The following KSR1 variants were observed in gnomAD, a reference collection of about 807,000 sequenced individuals.
KSR1 encodes kinase suppressor of ras.
A neutral mutation model predicts 92.9 loss-of-function variants in KSR1; 35 were observed. The ratio of observed to expected loss-of-function variants is 0.38; its 90% CI spans 0.29 to 0.50. The LOEUF (loss-of-function observed/expected upper bound fraction) is 0.50, where lower values mean the gene tolerates loss of function less well. KSR1 is among the 20% of genes least tolerant of loss of function. KSR1 has a pLI of 0.94. For missense variants in KSR1, 972 were observed against 1,158.5 expected (o/e 0.84, Z 2.34); for synonymous variants, 467 against 472.6 (o/e 0.99, Z 0.15).
At chr17:27,549,301 T>A (rs2071305492) in intron 1 of KSR1, among the ~76,000 whole-genome samples, 1 of 152,156 alleles carries the variant, frequency 6.6e-6, no homozygotes, top group Non-Finnish European at 1.5e-5. Flanking sequence ...TCAGGAGCTC[T>A]CCCTGGGTCC....
At chr17:27,541,577 T>C (rs1346781974) in intron 1 of KSR1, among the ~76,000 whole-genome samples, 1 of 152,156 alleles carries the variant, frequency 6.6e-6, no homozygotes, top group Non-Finnish European at 1.5e-5. Context: ...GGGCTTTGGA[T>C]CGCAAAAGAG....
chr17:27,509,166 CA>C (rs2069503782), intron 1 of KSR1, among the ~76,000 whole-genome samples: 1 of 152,204 alleles, frequency 6.6e-6, no homozygotes, highest in African/African-American at 2.4e-5. Flanking sequence ...CATTTTTCTG[CA>C]ACCCTGCTTC....
chr17:27,495,519 C>T (rs1260621656), intron 1 of KSR1, among the ~76,000 whole-genome samples: 1 of 152,110 alleles, frequency 6.6e-6, no homozygotes, highest in African/African-American at 2.4e-5. Context: ...GGATATAGCC[C>T]CCTGATCTGC....
rs759558620 is a variant in KSR1 at position 27,577,574 on chromosome 17, C to T, written c.455C>T (p.Ala152Val). The T allele has an allele frequency of 1.6e-5, 26 of 1,604,898 alleles. No individual in the cohort carries two copies. Among genetic ancestry groups the T allele is most frequent in the Non-Finnish European group, 2.0e-5 (23 of 1,178,676 alleles). ...AAGGAGACGCTGCGGCGCTGTGGGGCCAGCGGGGATGAGTGTGGCCGTCTG... is the reference window on the plus strand; with the variant it reads ...AAGGAGACGCTGCGGCGCTGTGGGGTCAGCGGGGATGAGTGTGGCCGTCTG... ...KVKETLRRCG[A>V]SGDECGRLQY... The change falls in exon 3 of 21, where the codon GCC becomes GTC. Residue 152 changes from alanine (A) to valine (V), a missense_variant. Physicochemically the swap from Ala to Val is moderately conservative, Grantham distance 64. Transcript: ENST00000644974. This position sits in a 1 kb window ranked among gnomAD's most constrained non-coding sequence, Gnocchi z 4.5.
intron 1 of KSR1, among the ~76,000 whole-genome samples, chr17:27,505,803 G>A (rs2069358419): frequency 6.6e-6 from 1 of 152,212 alleles, no homozygotes; most frequent in Non-Finnish European, 1.5e-5. Context: ...TCACCAAGGG[G>A]TTGCCATCAA....
rs977207481 is a variant in KSR1 at position 27,520,711 on chromosome 17, C to T, written c.232-29857C>T. 2.6e-5 allele frequency among the ~76,000 whole-genome samples: 4 copies of T among 152,330 alleles called. No individual in the cohort carries two copies. In the South Asian group the frequency reaches 6.2e-4, roughly 24 times the overall value. ...AGGCAGGGAGGCCAGGCTGTGCCCGCCCAGGTTTCCCAGGCCCCGCTGCCT... is the reference window on the plus strand; with the variant it reads ...AGGCAGGGAGGCCAGGCTGTGCCCGTCCAGGTTTCCCAGGCCCCGCTGCCT... On this transcript the variant is annotated intron_variant, in intron 1 of 20. Transcript: ENST00000644974.
chr17:27,537,765 G>C (rs1358195425), intron 1 of KSR1, among the ~76,000 whole-genome samples: 2 of 152,168 alleles, frequency 1.3e-5, no homozygotes, highest in Non-Finnish European at 2.9e-5. Context: ...AATATAGAAT[G>C]TATAGCATGA....
intron 1 of KSR1, among the ~76,000 whole-genome samples, chr17:27,490,903 C>G (rs1219632019): frequency 6.6e-6 from 1 of 152,056 alleles, no homozygotes; most frequent in Non-Finnish European, 1.5e-5. Flanking sequence ...AGGGGAAAGG[C>G]TGAGTCAATT....
intron 1 of KSR1, among the ~76,000 whole-genome samples, chr17:27,498,270 G>A (rs9914333): frequency 0.98 from 148,351 of 150,806 alleles, 72,982 homozygotes; most frequent in East Asian, 1. Flanking sequence ...GCAGAGGGGC[G>A]GAGGGTGCAG....
At chr17:27,481,758 AT>A (rs2068517682) in intron 1 of KSR1, among the ~76,000 whole-genome samples, 2 of 152,246 alleles carry the variant, frequency 1.3e-5, no homozygotes, top group Admixed American at 1.3e-4. Context: ...TAGTGTACCC[AT>A]TTCCCAAGTA....
chr17:27,564,618 T>G (rs1287972278), intron 2 of KSR1, among the ~76,000 whole-genome samples: 1 of 152,134 alleles, frequency 6.6e-6, no homozygotes, highest in East Asian at 1.9e-4. Flanking sequence ...TGCTTGTCCA[T>G]GAAGGGCTGT....
intron 2 of KSR1, among the ~76,000 whole-genome samples, chr17:27,564,729 A>C: frequency 6.8e-6 from 1 of 146,824 alleles, no homozygotes; most frequent in East Asian, 2.1e-4. Flanking sequence ...GGCTAAGAAG[A>C]TGGAAGACCC....
At chr17:27,562,222 C>CT (rs1321086268) in intron 2 of KSR1, among the ~76,000 whole-genome samples, 1 of 152,176 alleles carries the variant, frequency 6.6e-6, no homozygotes, top group African/African-American at 2.4e-5. Flanking sequence ...CTAGAAGCAC[C>CT]ATGTTGGCAG....
chr17:27,573,321 C>T (rs1241172958), intron 2 of KSR1, among the ~76,000 whole-genome samples: 7 of 152,178 alleles, frequency 4.6e-5, no homozygotes, highest in Non-Finnish European at 8.8e-5. Context: ...GGGAGGAAAG[C>T]GGGGGTTTTC....
At chr17:27,525,991 A>ACTTTTCTTTTCTTTTCTTTTT (rs2070246675) in intron 1 of KSR1, among the ~76,000 whole-genome samples, 1 of 71,180 alleles carries the variant, frequency 1.4e-5, no homozygotes, top group Non-Finnish European at 2.5e-5. Context: ...ACTGCAACTA[A>ACTTTTCTTTTCTTTTCTTTTT]CTTTTCTTTT....
At position 27,538,770 on chromosome 17, in the gene KSR1, G is replaced by A. The variant is rs549967768; in HGVS notation, c.232-11798G>A. 9.2e-5 allele frequency among the ~76,000 whole-genome samples: 14 copies of A among 152,260 alleles called. No homozygotes were observed. The South Asian group carries it at 2.7e-3, about 29-fold the overall frequency. On this transcript the variant is annotated intron_variant, in intron 1 of 20. Transcript: ENST00000644974. ...GGTGCTCCACAGGGTGTGGCGGTTC[G>A]GGCGCCCCTCATCCTTCTGGGGGAG...
At chr17:27,565,902 A>C (rs2072042738) in intron 2 of KSR1, among the ~76,000 whole-genome samples, 1 of 152,068 alleles carries the variant, frequency 6.6e-6, no homozygotes, top group Non-Finnish European at 1.5e-5. Context: ...CATGGACTCC[A>C]GTTCACGGTT....
intron 5 of KSR1, chr17:27,587,689 C>G (rs570230237): frequency 6.6e-6 from 1 of 152,434 alleles, no homozygotes; most frequent in African/African-American, 2.4e-5. Flanking sequence ...GTTGAATGTG[C>G]GGGCTGCCGG....
rs557224215 is a variant in KSR1 at position 27,519,531 on chromosome 17, C to T, written c.232-31037C>T. Among the ~76,000 whole-genome samples the T allele has an allele frequency of 4.6e-5, 7 of 152,260 alleles. No individual in the cohort carries two copies. In the South Asian group the frequency reaches 8.3e-4, roughly 18 times the overall value. On this transcript the variant is annotated intron_variant, in intron 1 of 20. Coordinates refer to ENST00000644974, the MANE Select transcript of KSR1 (RefSeq NM_001394583.1). ...TGACCTGGCCATGGTGCGTTTGATG[C>T]CAAGAATGGGCAGCCTGAGTGGTGA... is the stretch of plus-strand genomic sequence containing the variant.
Sources: gnomAD v4.1 joint callset for allele counts (sites outside exome capture counted in the v4.1 genomes callset) on GRCh38, gnomAD v4.1.1 for gene constraint, Gnocchi (gnomAD v3.1) non-coding constraint, MANE v1.5 for transcripts, NCBI Gene and HGNC (gene_info 2026-07-23, HGNC 2026-07-21) for gene names.